KLHL6: variants seen among roughly 807,000 people sequenced by gnomAD.
KLHL6 encodes the protein kelch-like protein 6.
A neutral mutation model predicts 58.6 loss-of-function variants in KLHL6; 41 were observed. The observed-to-expected ratio is 0.70, with a 90% CI of 0.55 to 0.91. The LOEUF is 0.91. Ranked by LOEUF, KLHL6 falls within the 40% of genes least tolerant of loss-of-function variation. The pLI, the probability that KLHL6 is intolerant of heterozygous loss-of-function variation, is 0.00. For missense variants in KLHL6, 714 were observed against 805.6 expected, an observed-to-expected ratio of 0.89 and a Z score of 1.38; for synonymous variants, 338 against 322.7, an observed-to-expected ratio of 1.05 and a Z score of -0.51.
chr3:183,539,706 C>G (rs957688093), intron 1 of KLHL6, among the ~76,000 whole-genome samples: 20 of 142,026 alleles, frequency 1.4e-4, no homozygotes, highest in African/African-American at 4.1e-4. Flanking sequence ...GAGACTCCAT[C>G]TCAAAAAAAA....
chr3:183,491,149 T>TC lies in KLHL6; in HGVS notation c.*777dup, dbSNP rs1292571114. On this transcript the variant is annotated 3_prime_UTR_variant, in exon 7 of 7. Coordinates refer to ENST00000341319, the MANE Select transcript of KLHL6 (RefSeq NM_130446.4). The stretch of plus-strand genomic sequence containing the variant: ...TTGAAGACAGAGCTTCACTTTTGTT[T>TC]CCCGGGCTGCAGTGCAGTGTGGCGA... 1.3e-5 allele frequency: 2 copies of TC among 152,032 alleles called. No individual in the cohort carries two copies. Among genetic ancestry groups the TC allele is most frequent in the African/African-American group, 4.8e-5 (2 of 41,378 alleles). The allele number at this position is 152,032 out of a possible 1,614,324, so 9.4% of individuals were successfully genotyped here. A position where few individuals can be genotyped will look rare whatever the true frequency, so the allele number is the denominator to read the frequency against.
At position 183,505,049 on chromosome 3, in the gene KLHL6, A is replaced by G. The variant is rs889026078; in HGVS notation, c.909+3010T>C. 2.6e-5 allele frequency among the ~76,000 whole-genome samples: 4 copies of G among 152,314 alleles called. No individual in the cohort carries two copies. The East Asian group carries it at 7.7e-4, about 29-fold the overall frequency. On this transcript the variant is annotated intron_variant, in intron 3 of 6. Coordinates refer to ENST00000341319, the MANE Select transcript of KLHL6 (RefSeq NM_130446.4). ...AAAAAACATGATTGCATTCTTTTCT[A>G]TGGCTGTGTAGTATTCCATGGGAGA...
In KLHL6 at chr3:183,499,671, T is replaced by C; in HGVS notation, c.1066A>G (p.Thr356Ala). 6.2e-7 allele frequency: 1 copy of C among 1,611,932 alleles called. No individual in the cohort carries two copies. Among genetic ancestry groups the C allele is most frequent in the South Asian group, 1.1e-5 (1 of 90,318 alleles). ...SRLEVAKLPL[T>A]EHELESENKK... ...TTCTCACTCTCCAGCTCATGCTCTG[T>C]TAGCGGGAGCTTGGCCACCTCCAGG... Residue 356 changes from threonine to alanine, a missense_variant, in exon 4 of 7, where the codon ACA (threonine) becomes GCA (alanine). Around this residue, in one of 2 missense-constraint regions of KLHL6, gnomAD observed 510 missense variants for 629.7 expected, o/e 0.81. Transcript: ENST00000341319. This position sits in a 1 kb window ranked among gnomAD's most constrained non-coding sequence, Gnocchi z 4.6.
chr3:183,534,306 G>A (rs1183953281), intron 1 of KLHL6, among the ~76,000 whole-genome samples: 1 of 151,960 alleles, frequency 6.6e-6, no homozygotes, highest in Non-Finnish European at 1.5e-5. Flanking sequence ...CACTCTCTAA[G>A]CCTCCCTTTG....
intron 1 of KLHL6, among the ~76,000 whole-genome samples, chr3:183,528,780 T>C (rs1712062299): frequency 1.3e-5 from 2 of 152,194 alleles, no homozygotes; most frequent in South Asian, 4.1e-4. Flanking sequence ...TTAATAGCTA[T>C]TTTTTAAGTT....
At position 183,555,682 on chromosome 3, in the gene KLHL6, G is replaced by C; in HGVS notation, c.-29C>G. 2 of 1,546,460 alleles carry C rather than the reference G, an allele frequency of 1.3e-6. No individual in the cohort carries two copies. Among genetic ancestry groups the C allele is most frequent in the Non-Finnish European group, 1.7e-6 (2 of 1,150,520 alleles). On this transcript the variant is annotated 5_prime_UTR_variant, in exon 1 of 7. Transcript: ENST00000341319. ...GACTGAAGGAGCGCCCAAGTGTCAG[G>C]CAGGCCCCATTGCAGGAGCTGAGCG...
chr3:183,499,650 C>G lies in KLHL6; in HGVS notation c.1087G>C (p.Glu363Gln), dbSNP rs147738039. The stretch of plus-strand genomic sequence containing the variant: ...GCAAACTCCACCCACTTCTTATTCT[C>G]ACTCTCCAGCTCATGCTCTGTTAGC... Reference protein sequence around the residue: ...LPLTEHELESENKKWVEFACV... With the variant: ...LPLTEHELESQNKKWVEFACV... Residue 363 changes from glutamate to glutamine, a missense_variant, in exon 4 of 7, where the codon GAG becomes CAG. Transcript: ENST00000341319. This position sits in a 1 kb window ranked among gnomAD's most constrained non-coding sequence, Gnocchi z 4.6. The G allele has an allele frequency of 1.2e-5, 19 of 1,610,270 alleles. No individual in the cohort carries two copies. In the African/African-American group the frequency reaches 2.4e-4, roughly 20 times the overall value.
At chr3:183,524,969 A>AT (rs1169445059) in intron 2 of KLHL6, among the ~76,000 whole-genome samples, 1 of 152,216 alleles carries the variant, frequency 6.6e-6, no homozygotes, top group Non-Finnish European at 1.5e-5. Flanking sequence ...TATGAACATG[A>AT]TAAAAAAAAC....
chr3:183,543,939 G>A (rs899088398), intron 1 of KLHL6, among the ~76,000 whole-genome samples: 11 of 152,082 alleles, frequency 7.2e-5, no homozygotes, highest in East Asian at 1.9e-4. Flanking sequence ...CGAGGCAGGC[G>A]GATCACCTGA....
At chr3:183,501,113 G>A in intron 3 of KLHL6, among the ~76,000 whole-genome samples, 1 of 152,224 alleles carries the variant, frequency 6.6e-6, no homozygotes, top group South Asian at 2.1e-4. Context: ...GGTCAGCAGA[G>A]TGGGGATGGG....
intron 3 of KLHL6, among the ~76,000 whole-genome samples, chr3:183,505,641 CA>C (rs937406453): frequency 1.3e-5 from 2 of 150,836 alleles, no homozygotes; most frequent in African/African-American, 4.9e-5. Context: ...AGCCTCTAAC[CA>C]GATTGATCAG....
At chr3:183,546,366 C>T (rs568112206) in intron 1 of KLHL6, among the ~76,000 whole-genome samples, 3 of 152,200 alleles carry the variant, frequency 2.0e-5, no homozygotes, top group Non-Finnish European at 4.4e-5. Context: ...CAAGCCCAGT[C>T]GGAGGAAAGC....
chr3:183,518,880 G>A (rs191030234), intron 2 of KLHL6, among the ~76,000 whole-genome samples: 7 of 152,262 alleles, frequency 4.6e-5, no homozygotes, highest in African/African-American at 1.7e-4. Context: ...GCAAGGAAGA[G>A]GGACAAGAGA....
At position 183,492,407 on chromosome 3, in the gene KLHL6, G is replaced by C. The variant is rs545083422; in HGVS notation, c.1564+87C>G. 30 of 1,461,086 alleles carry C rather than the reference G, an allele frequency of 2.1e-5. No homozygotes were observed. In the Admixed American group the frequency reaches 4.3e-4, roughly 21 times the overall value. 90.5% of individuals were successfully genotyped at this position (1,461,086 alleles called of 1,614,324 possible). ...TAGGGGCAGTGAGTTGCCAGCGCTG[G>C]AGACACCGCGACACACCGTTTACGT... On this transcript the variant is annotated intron_variant, in intron 6 of 6. Transcript: ENST00000341319. This position sits in a 1 kb window ranked among gnomAD's most constrained non-coding sequence, Gnocchi z 5.9.
At chr3:183,546,172 G>A (rs982006255) in intron 1 of KLHL6, among the ~76,000 whole-genome samples, 1 of 152,212 alleles carries the variant, frequency 6.6e-6, no homozygotes, top group Non-Finnish European at 1.5e-5. Context: ...GGGAGCAGAG[G>A]AGTGAACGTG....
At chr3:183,544,794 A>ACACACACACACC (rs1712666401) in intron 1 of KLHL6, 1 of 153,120 alleles carries the variant, frequency 6.5e-6, no homozygotes, top group Non-Finnish European at 1.4e-5. Context: ...ACACACACAC[A>ACACACACACACC]CACACGCACA....
rs2108662649 is a variant in KLHL6 at position 183,492,745 on chromosome 3, A to C, written c.1351-38T>G. ...AGGGCACAAGAAGAAGCTGTCAGTC[A>C]TGCTGCCCAGATTGCTGCAGTAGCT... On this transcript the variant is annotated intron_variant, in intron 5 of 6. Coordinates refer to ENST00000341319, the MANE Select transcript of KLHL6 (RefSeq NM_130446.4). The surrounding 1 kb of genome is among the most constrained non-coding windows in gnomAD (Gnocchi z 5.9). 1 of 1,598,272 alleles carries C rather than the reference A, an allele frequency of 6.3e-7. No individual in the cohort carries two copies. The highest frequency in any genetic ancestry group is 2.2e-5 in the East Asian group (1 of 44,830).
intron 1 of KLHL6, among the ~76,000 whole-genome samples, chr3:183,530,252 A>C (rs1712112200): frequency 6.6e-6 from 1 of 152,180 alleles, no homozygotes; most frequent in African/African-American, 2.4e-5. Context: ...GTTTTGAGGT[A>C]AAAGCTAGAA....
At chr3:183,550,720 C>A (rs1560113312) in intron 1 of KLHL6, among the ~76,000 whole-genome samples, 1 of 152,058 alleles carries the variant, frequency 6.6e-6, no homozygotes, top group African/African-American at 2.4e-5. Context: ...TGCTTGAGCC[C>A]AGGGAGGCTG....
Sources: gnomAD v4.1 joint callset for allele counts (sites outside exome capture counted in the v4.1 genomes callset) on GRCh38, gnomAD v4.1.1 for gene constraint, gnomAD v4.1.1 regional missense constraint, Gnocchi (gnomAD v3.1) non-coding constraint, MANE v1.5 for transcripts, NCBI Gene and HGNC (gene_info 2026-07-23, HGNC 2026-07-21) for gene names.